The following OTUD7A variants were observed in gnomAD, a reference collection of about 807,000 sequenced individuals.
OTUD7A encodes OTU deubiquitinase 7A, also known as OTU domain-containing protein 7A.
Under a neutral mutation model 65.7 loss-of-function variants are expected in OTUD7A, and 12 were observed. The ratio of observed to expected loss-of-function variants is 0.18; its 90% CI spans 0.12 to 0.30. OTUD7A has a LOEUF of 0.30. OTUD7A is among the 10% of genes least tolerant of loss of function. The pLI, the probability that OTUD7A is intolerant of heterozygous loss-of-function variation, is 1.00. For synonymous variants in OTUD7A, 641 were observed against 586.3 expected, an observed-to-expected ratio of 1.09 and a Z score of -1.35; for missense variants, 1,148 against 1,304.8, an observed-to-expected ratio of 0.88 and a Z score of 1.85.
At chr15:31,784,766 A>G (rs933593152) in intron 1 of OTUD7A, among the ~76,000 whole-genome samples, 1 of 152,188 alleles carries the variant, frequency 6.6e-6, no homozygotes, top group Non-Finnish European at 1.5e-5. Flanking sequence ...CGGGCTTTGT[A>G]TTGTCTGAGT....
intron 3 of OTUD7A, among the ~76,000 whole-genome samples, chr15:31,622,248 T>G (rs12324493): frequency 6.6e-6 from 1 of 152,080 alleles, no homozygotes; most frequent in Non-Finnish European, 1.5e-5. Context: ...TGTCTTGGAG[T>G]TGCTCTTCTC....
At chr15:31,542,219 G>A (rs1888007699) in intron 5 of OTUD7A, among the ~76,000 whole-genome samples, 1 of 151,900 alleles carries the variant, frequency 6.6e-6, no homozygotes, top group African/African-American at 2.4e-5. Context: ...CACAAAATCA[G>A]CAGTTTATAG....
At chr15:31,775,092 AC>A (rs1895340838) in intron 1 of OTUD7A, among the ~76,000 whole-genome samples, 1 of 13,110 alleles carries the variant, frequency 7.6e-5, no homozygotes, top group Non-Finnish European at 2.5e-4. Context: ...ATGCATTTAC[AC>A]ACACACACAC....
intron 3 of OTUD7A, among the ~76,000 whole-genome samples, chr15:31,642,688 A>C (rs1487041576): frequency 1.3e-5 from 2 of 151,960 alleles, no homozygotes; most frequent in African/African-American, 4.8e-5. Flanking sequence ...ATTGTTTATA[A>C]TATTCCTTTA....
chr15:31,750,732 C>T (rs1468720858), intron 1 of OTUD7A, among the ~76,000 whole-genome samples: 1 of 152,058 alleles, frequency 6.6e-6, no homozygotes, highest in Non-Finnish European at 1.5e-5. Context: ...TCTTCCCACC[C>T]TTTAATACTA....
chr15:31,594,695 A>C (rs1254361095), intron 3 of OTUD7A, among the ~76,000 whole-genome samples: 1 of 152,232 alleles, frequency 6.6e-6, no homozygotes, highest in East Asian at 1.9e-4. Context: ...TCTACAAAAT[A>C]ATGAGCCCCC....
intron 1 of OTUD7A, among the ~76,000 whole-genome samples, chr15:31,837,617 T>C (rs57473469): frequency 1.0e-3 from 154 of 152,242 alleles, no homozygotes; most frequent in African/African-American, 3.6e-3. Flanking sequence ...GACTTGTATA[T>C]TGAAAGTCAC....
intron 3 of OTUD7A, among the ~76,000 whole-genome samples, chr15:31,603,466 C>T (rs147263976): frequency 0.031 from 4,779 of 152,168 alleles, 265 homozygotes; most frequent in African/African-American, 0.11. Flanking sequence ...AAGACTTAAA[C>T]GTAAGACCTA....
At chr15:31,615,294 T>A (rs976366832) in intron 3 of OTUD7A, among the ~76,000 whole-genome samples, 1 of 152,176 alleles carries the variant, frequency 6.6e-6, no homozygotes, top group Non-Finnish European at 1.5e-5. Context: ...AAATATATCA[T>A]GCAAACACTA....
intron 5 of OTUD7A, among the ~76,000 whole-genome samples, chr15:31,550,809 T>C (rs1888297284): frequency 6.6e-6 from 1 of 152,202 alleles, no homozygotes; most frequent in Admixed American, 6.5e-5. Context: ...TGTCCATTCA[T>C]TTCACATGTG....
intron 1 of OTUD7A, among the ~76,000 whole-genome samples, chr15:31,819,297 T>C (rs143393101): frequency 1.5e-4 from 23 of 152,262 alleles, no homozygotes. Flanking sequence ...AAACTAAGAA[T>C]ATGACACTTT....
intron 1 of OTUD7A, among the ~76,000 whole-genome samples, chr15:31,819,864 A>T (rs1052198519): frequency 2.6e-5 from 4 of 152,096 alleles, no homozygotes; most frequent in African/African-American, 9.7e-5. Context: ...CGATATATGT[A>T]ATTATCAAAA....
chr15:31,831,777 G>A (rs374801742), intron 1 of OTUD7A, among the ~76,000 whole-genome samples: 5 of 152,226 alleles, frequency 3.3e-5, no homozygotes, highest in Admixed American at 6.5e-5. Flanking sequence ...CCCCTGGCAC[G>A]GTGAGGCAAT....
intron 1 of OTUD7A, among the ~76,000 whole-genome samples, chr15:31,768,704 A>G (rs989496330): frequency 2.6e-5 from 4 of 152,104 alleles, no homozygotes; most frequent in Non-Finnish European, 4.4e-5. Flanking sequence ...CGGCGTCTGC[A>G]GATGTAATAC....
At chr15:31,506,298 G>A (rs1359135083) in intron 8 of OTUD7A, among the ~76,000 whole-genome samples, 1 of 151,432 alleles carries the variant, frequency 6.6e-6, no homozygotes, top group East Asian at 1.9e-4. Context: ...CTATTTTTTT[G>A]ATGGCGTTTT....
chr15:31,480,536 C>T lies in OTUD7A; in HGVS notation c.*2758G>A, dbSNP rs1370131654. 1 of 152,268 alleles carries T rather than the reference C, an allele frequency of 6.6e-6. No individual in the cohort carries two copies. Among genetic ancestry groups the T allele is most frequent in the Non-Finnish European group, 1.5e-5 (1 of 68,096 alleles). The allele number at this position is 152,268 out of a possible 1,614,324, so 9.4% of individuals were successfully genotyped here. The stretch of plus-strand genomic sequence containing the variant: ...CCTTTCTCCCTGCTCCACAAAGGGC[C>T]CTCACGCCATGGAACACGAGGGAAG... On this transcript the variant is annotated 3_prime_UTR_variant, in exon 13 of 13. Coordinates refer to ENST00000307050, the MANE Select transcript of OTUD7A (RefSeq NM_001382637.1).
At chr15:31,506,720 T>C (rs1194106191) in intron 8 of OTUD7A, among the ~76,000 whole-genome samples, 1 of 152,212 alleles carries the variant, frequency 6.6e-6, no homozygotes, top group Non-Finnish European at 1.5e-5. Flanking sequence ...TTAAGGAATA[T>C]TAAATTTTTT....
At chr15:31,811,972 G>T (rs1896429380) in intron 1 of OTUD7A, among the ~76,000 whole-genome samples, 1 of 152,232 alleles carries the variant, frequency 6.6e-6, no homozygotes. Context: ...CCTGAGAGAG[G>T]ACTGAGGCTG....
chr15:31,663,059 C>T (rs1182923580), intron 1 of OTUD7A, among the ~76,000 whole-genome samples: 68 of 146,070 alleles, frequency 4.7e-4, no homozygotes, highest in African/African-American at 1.5e-3. Context: ...TGTGTTAACT[C>T]TTTTTTTTTT....
Sources: gnomAD v4.1 joint callset for allele counts (sites outside exome capture counted in the v4.1 genomes callset) on GRCh38, gnomAD v4.1.1 for gene constraint, MANE v1.5 for transcripts, NCBI Gene and HGNC (gene_info 2026-07-23, HGNC 2026-07-21) for gene names.